Variants in FAAH2 observed in about 807,000 individuals in gnomAD.
FAAH2 encodes fatty-acid amide hydrolase 2.
FAAH2 carries 60 observed loss-of-function variants against 36.9 expected under a neutral mutation model. The observed-to-expected ratio is 1.63, with a 90% CI of 1.32 to 2.02. The LOEUF is 2.02. FAAH2 is among the 30% of genes most tolerant of loss of function. FAAH2 has a pLI of 0.00. For synonymous variants in FAAH2, 214 were observed against 143.8 expected (o/e 1.49, Z -3.49); for missense variants, 689 against 397.5 (o/e 1.73, Z -6.23).
intron 7 of FAAH2, among the ~76,000 whole-genome samples, chrX:57,420,529 A>G (rs192212351): frequency 0.011 from 1,214 of 110,546 alleles, 18 homozygotes; most frequent in African/African-American, 0.039. Context: ...TTTGTCTGTT[A>G]TTGGTGTATA....
intron 10 of FAAH2, among the ~76,000 whole-genome samples, chrX:57,462,201 G>T (rs1358980080): frequency 2.0e-5 from 2 of 100,613 alleles, no homozygotes; most frequent in Non-Finnish European, 4.0e-5. Context: ...AGGACCAGAC[G>T]CATTCACATG....
chrX:57,150,388 G>T, the FAAH2 span, among the ~76,000 whole-genome samples: 3 of 111,577 alleles, frequency 2.7e-5, no homozygotes, highest in South Asian at 3.8e-4. Flanking sequence ...TTATTGTGTG[G>T]GATTCTAAGT....
At chrX:57,157,310 T>C in the FAAH2 span, among the ~76,000 whole-genome samples, 90 of 111,809 alleles carry the variant, frequency 8.0e-4, 1 homozygote, top group African/African-American at 2.8e-3. Flanking sequence ...ATGACTGTAG[T>C]CATGATGGCC....
At chrX:57,207,361 G>A in the FAAH2 span, among the ~76,000 whole-genome samples, 2 of 111,682 alleles carry the variant, frequency 1.8e-5, no homozygotes, top group Admixed American at 9.5e-5. Context: ...CAACTATGTT[G>A]AATTGAATGG....
At chrX:57,374,824 A>G (rs1369151572) in intron 5 of FAAH2, among the ~76,000 whole-genome samples, 2 of 111,092 alleles carry the variant, frequency 1.8e-5, no homozygotes, top group African/African-American at 6.6e-5. Flanking sequence ...TTCCCCGTTC[A>G]GTATTATGTT....
At chrX:57,242,539 G>A in the FAAH2 span, among the ~76,000 whole-genome samples, 2 of 111,971 alleles carry the variant, frequency 1.8e-5, no homozygotes, top group East Asian at 2.8e-4. Context: ...GGTGATTTCT[G>A]CATTTCCAAC....
the FAAH2 span, among the ~76,000 whole-genome samples, chrX:57,170,930 G>A: frequency 1.0e-4 from 11 of 109,204 alleles, no homozygotes; most frequent in Admixed American, 2.0e-4. Flanking sequence ...GGCTGGTTTC[G>A]AACTCCTGAC....
chrX:57,284,924 CT>C (rs1338746121), upstream of FAAH2, among the ~76,000 whole-genome samples: 1 of 112,046 alleles, frequency 8.9e-6, no homozygotes, highest in Non-Finnish European at 1.9e-5. Context: ...TCAGGTCTGT[CT>C]GGTCAGAGCC....
At chrX:57,249,826 G>A in the FAAH2 span, among the ~76,000 whole-genome samples, 4 of 112,021 alleles carry the variant, frequency 3.6e-5, no homozygotes, top group African/African-American at 1.3e-4. Context: ...GCCATTGAAG[G>A]AAGGCCACAG....
the FAAH2 span, among the ~76,000 whole-genome samples, chrX:57,262,066 AAT>A: frequency 0.44 from 47,582 of 107,103 alleles, 11,066 homozygotes; most frequent in African/African-American, 0.87. Flanking sequence ...TTGGAAATGG[AAT>A]ATATATATAT....
intron 3 of FAAH2, among the ~76,000 whole-genome samples, chrX:57,324,961 A>G (rs1182243964): frequency 8.9e-6 from 1 of 112,215 alleles, no homozygotes; most frequent in Non-Finnish European, 1.9e-5. Context: ...ATTCAGTATG[A>G]TATTGGCTGT....
intron 7 of FAAH2, among the ~76,000 whole-genome samples, chrX:57,398,615 C>G (rs1380139695): frequency 1.8e-5 from 2 of 110,176 alleles, no homozygotes; most frequent in East Asian, 5.7e-4. Context: ...GGAGGTGACC[C>G]AAAGGGGGTT....
chrX:57,242,980 G>T, the FAAH2 span, among the ~76,000 whole-genome samples: 12 of 112,045 alleles, frequency 1.1e-4, no homozygotes, highest in African/African-American at 3.9e-4. Context: ...TCCCACCCCC[G>T]GAAAGCCCAG....
At chrX:57,443,163 G>A (rs1414874430) in intron 8 of FAAH2, among the ~76,000 whole-genome samples, 3 of 111,719 alleles carry the variant, frequency 2.7e-5, no homozygotes, top group East Asian at 2.8e-4. Flanking sequence ...GGCCTGCCTC[G>A]CTAGGTTCTT....
At chrX:57,452,947 A>G (rs1203856431) in intron 10 of FAAH2, among the ~76,000 whole-genome samples, 1 of 112,082 alleles carries the variant, frequency 8.9e-6, no homozygotes, top group Non-Finnish European at 1.9e-5. Flanking sequence ...GGGTAGGGCA[A>G]GGCAGACCTT....
Position 57,360,714 on chromosome X carries a change from G to A in FAAH2, c.743-17937G>A, listed in dbSNP as rs1032287953. 3.6e-5 allele frequency among the ~76,000 whole-genome samples: 4 copies of A among 110,769 alleles called. No homozygotes were observed. The East Asian group carries it at 1.1e-3, about 32-fold the overall frequency. On this transcript the variant is annotated intron_variant, in intron 5 of 10. Transcript: ENST00000374900. ...TAGGATACAAGTGCAGAATGTGTAG[G>A]TTTGTTACATAGGTATAGGTGTGCC...
At chrX:57,236,633 C>T in the FAAH2 span, among the ~76,000 whole-genome samples, 1 of 111,489 alleles carries the variant, frequency 9.0e-6, no homozygotes, top group Non-Finnish European at 1.9e-5. Context: ...GCCTGCTGGC[C>T]CTTTGTATGT....
At chrX:57,158,808 G>A in the FAAH2 span, among the ~76,000 whole-genome samples, 1 of 111,992 alleles carries the variant, frequency 8.9e-6, no homozygotes, top group Non-Finnish European at 1.9e-5. Flanking sequence ...TATTCACTCT[G>A]ATGGTGGTTT....
chrX:57,368,636 G>A, intron 5 of FAAH2, among the ~76,000 whole-genome samples: 2 of 111,934 alleles, frequency 1.8e-5, no homozygotes, highest in Admixed American at 1.9e-4. Flanking sequence ...TGAAGGAACT[G>A]CATAGAGACT....
Sources: gnomAD v4.1 joint callset for allele counts (sites outside exome capture counted in the v4.1 genomes callset) on GRCh38, gnomAD v4.1.1 for gene constraint, MANE v1.5 for transcripts, NCBI Gene and HGNC (gene_info 2026-07-23, HGNC 2026-07-21) for gene names.